The following SPIDR variants were observed in gnomAD, a reference collection of about 807,000 sequenced individuals.
SPIDR encodes the protein scaffold protein involved in DNA repair.
A neutral mutation model predicts 104.6 loss-of-function variants in SPIDR; 93 were observed. The observed-to-expected ratio is 0.89, with a 90% CI of 0.75 to 1.06. The LOEUF is 1.06. Among genes scored for constraint, SPIDR ranks in the 50% least tolerant of loss-of-function variants. SPIDR has a pLI of 0.00. For synonymous variants in SPIDR, 431 were observed against 416.9 expected (o/e 1.03, Z -0.41); for missense variants, 1,154 against 1,111.2 (o/e 1.04, Z -0.55).
chr8:47,598,826 G>A, intron 9 of SPIDR, 120 bp from the exon 10 acceptor site: 4 of 1,272,680 alleles, frequency 3.1e-6, no homozygotes, highest in Admixed American at 2.0e-5. Flanking sequence ...TCAGTGTAGT[G>A]CAGATCCATT....
intron 8 of SPIDR, among the ~76,000 whole-genome samples, chr8:47,535,557 C>G (rs975585819): frequency 6.6e-6 from 1 of 151,776 alleles, no homozygotes; most frequent in Admixed American, 6.6e-5. Flanking sequence ...AATTATCTAC[C>G]CTGACCAAGT....
chr8:47,702,138 G>A (rs1041887215), intron 14 of SPIDR, 123 bp downstream of exon 14: 16 of 1,021,504 alleles, frequency 1.6e-5, no homozygotes, highest in Admixed American at 1.1e-4. Context: ...CACACACACG[G>A]TGTTAGAGGT....
chr8:47,427,904 TC>T (rs373797190), intron 7 of SPIDR, among the ~76,000 whole-genome samples: 45 of 152,106 alleles, frequency 3.0e-4, no homozygotes, highest in African/African-American at 1.1e-3. Context: ...AAAGTTGGGG[TC>T]GGCGATTTCT....
intron 10 of SPIDR, among the ~76,000 whole-genome samples, chr8:47,636,318 C>T (rs1756125470): frequency 8.9e-6 from 1 of 111,746 alleles, no homozygotes; most frequent in Non-Finnish European, 1.6e-5. Context: ...GTTCCTCCAT[C>T]TCTTTCCCTC....
At chr8:47,298,407 T>C (rs1300442745) in intron 5 of SPIDR, among the ~76,000 whole-genome samples, 3 of 152,232 alleles carry the variant, frequency 2.0e-5, no homozygotes, top group Non-Finnish European at 4.4e-5. Context: ...TTTAGGTTGC[T>C]GTTCACTCTG....
At chr8:47,361,639 G>A (rs868963266) in intron 5 of SPIDR, among the ~76,000 whole-genome samples, 7 of 152,348 alleles carry the variant, frequency 4.6e-5, no homozygotes, top group African/African-American at 1.7e-4. Context: ...ACTCTGGGGT[G>A]GGGCTCCACC....
chr8:47,613,172 A>C (rs561547895), intron 10 of SPIDR, among the ~76,000 whole-genome samples: 3 of 152,226 alleles, frequency 2.0e-5, no homozygotes, highest in Admixed American at 6.5e-5. Flanking sequence ...TCCCCAGCCC[A>C]TTGCAACCAC....
chr8:47,733,381 A>T (rs148999246), intron 19 of SPIDR, among the ~76,000 whole-genome samples: 1 of 152,200 alleles, frequency 6.6e-6, no homozygotes, highest in Non-Finnish European at 1.5e-5. Context: ...AGCAAGACTC[A>T]GTCTCAAAAA....
intron 5 of SPIDR, among the ~76,000 whole-genome samples, chr8:47,389,411 C>A (rs757964122): frequency 6.6e-6 from 1 of 151,988 alleles, no homozygotes; most frequent in African/African-American, 2.4e-5. Context: ...AGTTTCCGGC[C>A]GGGCACGGTG....
chr8:47,715,317 C>T (rs1251216156), intron 16 of SPIDR, among the ~76,000 whole-genome samples: 1 of 152,138 alleles, frequency 6.6e-6, no homozygotes, highest in Non-Finnish European at 1.5e-5. Context: ...GCTGGGATTA[C>T]AGGCGTGCAC....
intron 5 of SPIDR, among the ~76,000 whole-genome samples, chr8:47,328,336 G>T (rs1214567569): frequency 6.6e-6 from 1 of 151,400 alleles, no homozygotes. Context: ...ATAGCTTACT[G>T]CAGCCTTGAA....
chr8:47,296,549 G>A (rs1439913013), intron 5 of SPIDR, among the ~76,000 whole-genome samples: 2 of 152,072 alleles, frequency 1.3e-5, no homozygotes, highest in African/African-American at 2.4e-5. Context: ...TTCTTGGCAC[G>A]TTTGTTGTAA....
intron 8 of SPIDR, among the ~76,000 whole-genome samples, chr8:47,449,703 A>G (rs2071341102): frequency 6.6e-6 from 1 of 152,244 alleles, no homozygotes; most frequent in South Asian, 2.1e-4. Context: ...GAAAAGATAT[A>G]GACTATGAGG....
chr8:47,488,687 C>T (rs1467824840), intron 8 of SPIDR, among the ~76,000 whole-genome samples: 1 of 152,146 alleles, frequency 6.6e-6, no homozygotes, highest in Non-Finnish European at 1.5e-5. Context: ...GGATGCAAGG[C>T]AGGTTCAACA....
At chr8:47,661,626 C>G (rs2074120373) in intron 10 of SPIDR, among the ~76,000 whole-genome samples, 1 of 152,244 alleles carries the variant, frequency 6.6e-6, no homozygotes, top group South Asian at 2.1e-4. Flanking sequence ...TACTAAGGAT[C>G]GTGCTGGTGT....
At chr8:47,550,531 G>C (rs2090276950) in intron 8 of SPIDR, among the ~76,000 whole-genome samples, 1 of 152,126 alleles carries the variant, frequency 6.6e-6, no homozygotes, top group Non-Finnish European at 1.5e-5. Flanking sequence ...TGAAGCAGTT[G>C]TGAATGGCAG....
intron 2 of SPIDR, among the ~76,000 whole-genome samples, chr8:47,280,662 G>A (rs2037589069): frequency 6.6e-6 from 1 of 152,102 alleles, no homozygotes; most frequent in Non-Finnish European, 1.5e-5. Flanking sequence ...AAAGTGCTGG[G>A]ATTACAGGCG....
At chr8:47,584,647 A>C (rs572322190) in intron 8 of SPIDR, among the ~76,000 whole-genome samples, 1 of 152,342 alleles carries the variant, frequency 6.6e-6, no homozygotes, top group South Asian at 2.1e-4. Context: ...GGAGGTTCTA[A>C]ATACACACAT....
Position 47,534,959 on chromosome 8 carries a change from A to G in SPIDR, c.1098-60852A>G, listed in dbSNP as rs559694223. ...TACTAATATCCACAGTGAAAGAGTGACCATTACTACTGATCCCATAGATAC... is the reference window on the plus strand; with the variant it reads ...TACTAATATCCACAGTGAAAGAGTGGCCATTACTACTGATCCCATAGATAC... On this transcript the variant is annotated intron_variant, in intron 8 of 19. Coordinates refer to ENST00000297423, the MANE Select transcript of SPIDR (RefSeq NM_001080394.4). Among the ~76,000 whole-genome samples, 37 of 152,290 alleles carry G rather than the reference A, an allele frequency of 2.4e-4. No individual in the cohort carries two copies. The South Asian group carries it at 7.2e-3, about 30-fold the overall frequency.
Sources: allele counts gnomAD v4.1 joint callset (sites outside exome capture counted in the v4.1 genomes callset), GRCh38; gene constraint gnomAD v4.1.1; transcripts MANE v1.5; gene names NCBI Gene and HGNC (gene_info 2026-07-23, HGNC 2026-07-21).